CA10: variants seen among roughly 807,000 people sequenced by gnomAD.
The protein encoded by CA10 is carbonic anhydrase-related protein 10.
A neutral mutation model predicts 44.2 loss-of-function variants in CA10; 14 were observed. That is an observed-to-expected ratio of 0.32 (90% confidence interval 0.21 to 0.50). The LOEUF is 0.50. Ranked by LOEUF, CA10 falls within the 20% of genes least tolerant of loss-of-function variation. The probability of loss-of-function intolerance (pLI) is 0.99; values close to 1 mark genes in which losing one functional copy is unlikely to be tolerated. For missense variants in CA10, 350 were observed against 409.7 expected (o/e 0.85, Z 1.26); for synonymous variants, 159 against 141.6 (o/e 1.12, Z -0.87).
At chr17:51,758,968 A>T (rs1905145640) in intron 3 of CA10, among the ~76,000 whole-genome samples, 1 of 152,112 alleles carries the variant, frequency 6.6e-6, no homozygotes, top group East Asian at 1.9e-4. Context: ...CTTATGCTTC[A>T]CTGTGCTTCT....
intron 2 of CA10, among the ~76,000 whole-genome samples, chr17:51,948,594 C>A (rs1361663669): frequency 6.6e-6 from 1 of 152,158 alleles, no homozygotes; most frequent in African/African-American, 2.4e-5. Context: ...CTTCTAAATT[C>A]TTTTCCCAGT....
intron 4 of CA10, among the ~76,000 whole-genome samples, chr17:51,699,159 A>AAAAATAC (rs1485624093): frequency 1.3e-5 from 2 of 151,906 alleles, no homozygotes; most frequent in Non-Finnish European, 2.9e-5. Flanking sequence ...CGTCTCTACT[A>AAAAATAC]AAAATACAAA....
chr17:52,045,694 A>G (rs892600782), intron 2 of CA10, among the ~76,000 whole-genome samples: 3 of 152,128 alleles, frequency 2.0e-5, no homozygotes, highest in Middle Eastern at 3.4e-3. Context: ...AATAATTGAC[A>G]TAACTATGAA....
chr17:51,730,630 C>T (rs1158718743), intron 4 of CA10, among the ~76,000 whole-genome samples: 1 of 152,018 alleles, frequency 6.6e-6, no homozygotes, highest in East Asian at 1.9e-4. Flanking sequence ...CAAATACATG[C>T]CAGTATGAAA....
chr17:51,768,610 G>A (rs984319464), intron 3 of CA10, among the ~76,000 whole-genome samples: 1 of 152,144 alleles, frequency 6.6e-6, no homozygotes, highest in African/African-American at 2.4e-5. Context: ...TATGAGGCCA[G>A]GGTTCCTGAC....
At chr17:52,052,156 G>T (rs931635080) in intron 2 of CA10, among the ~76,000 whole-genome samples, 6 of 151,656 alleles carry the variant, frequency 4.0e-5, no homozygotes, top group Non-Finnish European at 7.4e-5. Context: ...AAGGGAGGAG[G>T]GATCAGGAAA....
chr17:52,112,162 T>C (rs936090615), intron 1 of CA10, among the ~76,000 whole-genome samples: 1 of 151,628 alleles, frequency 6.6e-6, no homozygotes, highest in African/African-American at 2.4e-5. Flanking sequence ...TCTATTAGGA[T>C]CATGAGGTAT....
chr17:51,780,654 C>T (rs1906021924), intron 3 of CA10, among the ~76,000 whole-genome samples: 1 of 152,156 alleles, frequency 6.6e-6, no homozygotes, highest in African/African-American at 2.4e-5. Context: ...TAGAAGTACA[C>T]ACGGAGCAGT....
chr17:51,799,152 A>G (rs1227446749), intron 3 of CA10, among the ~76,000 whole-genome samples: 2 of 152,172 alleles, frequency 1.3e-5, no homozygotes, highest in Admixed American at 1.3e-4. Context: ...CCCCAATTCA[A>G]TATGGTTCTT....
chr17:52,132,428 T>C (rs1203703152), intron 1 of CA10, among the ~76,000 whole-genome samples: 1 of 152,004 alleles, frequency 6.6e-6, no homozygotes, highest in Non-Finnish European at 1.5e-5. Flanking sequence ...TGCCACAGAG[T>C]GCTACTCATG....
At chr17:52,024,928 AGAAAGAG>A (rs1986252489) in intron 2 of CA10, among the ~76,000 whole-genome samples, 1 of 151,818 alleles carries the variant, frequency 6.6e-6, no homozygotes, top group South Asian at 2.1e-4. Flanking sequence ...ATTACCATGA[AGAAAGAG>A]GATATCATAT....
chr17:52,040,746 G>C (rs1365812455), intron 2 of CA10, among the ~76,000 whole-genome samples: 2 of 152,050 alleles, frequency 1.3e-5, no homozygotes, highest in African/African-American at 4.8e-5. Flanking sequence ...AGAGTTCGGA[G>C]AGACCAAGGC....
At chr17:51,945,220 G>C (rs926480727) in intron 2 of CA10, among the ~76,000 whole-genome samples, 1 of 152,124 alleles carries the variant, frequency 6.6e-6, no homozygotes, top group African/African-American at 2.4e-5. Context: ...AATTGCAGAG[G>C]AAGAAACAAA....
chr17:52,090,586 G>A (rs1988233020), intron 1 of CA10, among the ~76,000 whole-genome samples: 1 of 151,978 alleles, frequency 6.6e-6, no homozygotes, highest in Non-Finnish European at 1.5e-5. Context: ...TATACATCCT[G>A]GATAGATTTA....
At chr17:52,156,616 C>A (rs142560814) in intron 1 of CA10, among the ~76,000 whole-genome samples, 2 of 152,300 alleles carry the variant, frequency 1.3e-5, no homozygotes, top group Non-Finnish European at 2.9e-5. Flanking sequence ...ATTGACAGGG[C>A]TGAAGGAAGA....
chr17:51,728,215 A>AT (rs776135778), intron 4 of CA10, among the ~76,000 whole-genome samples: 14 of 152,168 alleles, frequency 9.2e-5, no homozygotes, highest in Non-Finnish European at 1.5e-5. Flanking sequence ...TTTTGAAATA[A>AT]TTTTGATCTG....
chr17:52,093,231 TTAATA>T lies in CA10; in HGVS notation c.62-20843_62-20839del, dbSNP rs147565616. On this transcript the variant is annotated intron_variant, in intron 1 of 8. Transcript: ENST00000451037. Reference sequence around the variant, plus strand: ...ATAGAGATGGGCACATACTAGCTGCTTAATATATTAATTTATTGAATTAATGAATT... The same window carrying T: ...ATAGAGATGGGCACATACTAGCTGCTTATTAATTTATTGAATTAATGAATT... Among the ~76,000 whole-genome samples, 818 of 152,308 alleles carry T rather than the reference TTAATA, an allele frequency of 5.4e-3. 7 individuals carry two copies. Among genetic ancestry groups the T allele is most frequent in the African/African-American group, 0.019 (790 of 41,568 alleles).
chr17:52,027,594 G>A (rs1986340347), intron 2 of CA10, among the ~76,000 whole-genome samples: 2 of 152,130 alleles, frequency 1.3e-5, no homozygotes, highest in African/African-American at 4.8e-5. Context: ...ATATAGTGTA[G>A]GAAAGAAGGA....
intron 6 of CA10, among the ~76,000 whole-genome samples, chr17:51,638,043 A>G (rs1482634070): frequency 6.6e-6 from 1 of 152,194 alleles, no homozygotes; most frequent in Non-Finnish European, 1.5e-5. Context: ...CTGCTAATTT[A>G]TTTTCCTTGG....
Sources: allele counts gnomAD v4.1 joint callset (sites outside exome capture counted in the v4.1 genomes callset), GRCh38; gene constraint gnomAD v4.1.1; transcripts MANE v1.5; gene names NCBI Gene and HGNC (gene_info 2026-07-23, HGNC 2026-07-21).